The following LNX1 variants were observed in gnomAD, a reference collection of about 807,000 sequenced individuals.
LNX1 encodes ligand of numb-protein X 1.
A neutral mutation model predicts 68.4 loss-of-function variants in LNX1; 54 were observed. The ratio of observed to expected loss-of-function variants is 0.79; its 90% CI spans 0.63 to 0.99. The LOEUF (loss-of-function observed/expected upper bound fraction) is 0.99. LNX1 is among the 50% of genes least tolerant of loss of function. The probability of loss-of-function intolerance (pLI) is 0.00; values close to 1 mark genes in which losing one functional copy is unlikely to be tolerated. For synonymous variants in LNX1, 336 were observed against 350.0 expected, an observed-to-expected ratio of 0.96 and a Z score of 0.45; for missense variants, 906 against 926.4, an observed-to-expected ratio of 0.98 and a Z score of 0.29.
At chr4:53,551,375 T>G (rs893399911) in intron 2 of LNX1, among the ~76,000 whole-genome samples, 1 of 152,106 alleles carries the variant, frequency 6.6e-6, no homozygotes, top group African/African-American at 2.4e-5. Context: ...GGCCAGGCAG[T>G]TTCCCAATAA....
intron 2 of LNX1, among the ~76,000 whole-genome samples, chr4:53,508,743 G>A (rs1726106889): frequency 6.6e-6 from 1 of 152,192 alleles, no homozygotes; most frequent in Non-Finnish European, 1.5e-5. Context: ...GTTCAGCATT[G>A]CTATCCTCTA....
chr4:53,557,368 G>C (rs1387732032), intron 2 of LNX1, among the ~76,000 whole-genome samples: 2 of 152,040 alleles, frequency 1.3e-5, no homozygotes, highest in African/African-American at 4.8e-5. Flanking sequence ...TATCCCATAG[G>C]TTTCAAAAGC....
At chr4:53,516,224 A>T (rs1726772187) in intron 2 of LNX1, among the ~76,000 whole-genome samples, 1 of 152,232 alleles carries the variant, frequency 6.6e-6, no homozygotes, top group Non-Finnish European at 1.5e-5. Flanking sequence ...CCTGGGCAAC[A>T]GAGCAACACC....
At position 53,639,948 on chromosome 4, in the gene LNX1, G is replaced by A. The variant is rs138761896; in HGVS notation, c.-215+12220C>T. 3.1e-3 allele frequency among the ~76,000 whole-genome samples: 465 copies of A among 152,198 alleles called. 1 individual carries two copies. Among genetic ancestry groups the A allele is most frequent in the Non-Finnish European group, 5.6e-3 (378 of 68,002 alleles). The stretch of plus-strand genomic sequence containing the variant: ...CTTGGGAGGCTGAGGCACAAAAATT[G>A]CTTGAACCCAGAGGCAGAGGTTGCA... On this transcript the variant is annotated intron_variant, in intron 1 of 2. Coordinates refer to the LNX1 transcript ENST00000507168.
Position 53,575,178 on chromosome 4 carries a change from C to T in LNX1, c.-86-1090G>A, listed in dbSNP as rs180948865. On this transcript the variant is annotated intron_variant, in intron 1 of 10. Coordinates refer to ENST00000263925, the MANE Select transcript of LNX1 (RefSeq NM_001126328.3). Reference sequence around the variant, plus strand: ...TGTATTTTTAGTAGAGACAGGGTTTCGCCATGTTGGCCAGGCTGGTCTTGA... The same window carrying T: ...TGTATTTTTAGTAGAGACAGGGTTTTGCCATGTTGGCCAGGCTGGTCTTGA... Among the ~76,000 whole-genome samples the T allele has an allele frequency of 7.5e-3, 1,140 of 152,170 alleles. 8 individuals are homozygous for T. Among genetic ancestry groups the T allele is most frequent in the African/African-American group, 0.026 (1,069 of 41,522 alleles).
Position 53,476,891 on chromosome 4 carries a change from A to G in LNX1, c.1754T>C (p.Ile585Thr), listed in dbSNP as rs1385199273. The change falls in exon 9 of 11, where the codon ATA (isoleucine) becomes ACA (threonine). Residue 585 changes from isoleucine to threonine, a missense_variant. Transcript: ENST00000263925. ...VALLKRTSSS[I>T]VLKALEVKEY... is the part of the protein sequence containing the mutation. Reference sequence around the variant, plus strand: ...TTTGACTTCCAAAGCTTTGAGTACTATCGAGGATGATGTTCTTTTCAATAA... The same window carrying G: ...TTTGACTTCCAAAGCTTTGAGTACTGTCGAGGATGATGTTCTTTTCAATAA... 1.2e-6 allele frequency: 2 copies of G among 1,614,216 alleles called. No individual in the cohort carries two copies. The highest frequency in any genetic ancestry group is 2.2e-5 in the East Asian group (1 of 44,888).
chr4:53,629,417 C>T (rs1366174905), intron 1 of LNX1, among the ~76,000 whole-genome samples: 1 of 152,140 alleles, frequency 6.6e-6, no homozygotes, highest in Non-Finnish European at 1.5e-5. Context: ...AGAGCTCACC[C>T]TGGATCTTTC....
chr4:53,623,087 T>A (rs1170937738), intron 1 of LNX1, among the ~76,000 whole-genome samples: 1 of 152,136 alleles, frequency 6.6e-6, no homozygotes, highest in Admixed American at 6.5e-5. Flanking sequence ...GCTGATGTCA[T>A]CACTCAGGAT....
At chr4:53,465,632 A>G (rs553722288) in intron 9 of LNX1, among the ~76,000 whole-genome samples, 1 of 152,340 alleles carries the variant, frequency 6.6e-6, no homozygotes, top group East Asian at 1.9e-4. Context: ...TTAGTTTTGT[A>G]TGGTCCAGAG....
chr4:53,514,338 C>T (rs920357979), intron 2 of LNX1, among the ~76,000 whole-genome samples: 1 of 152,180 alleles, frequency 6.6e-6, no homozygotes, highest in African/African-American at 2.4e-5. Context: ...TCCATTTTTA[C>T]ACTGCCAATA....
chr4:53,513,317 TTATACCA>T (rs1400643063), intron 2 of LNX1, among the ~76,000 whole-genome samples: 9 of 152,114 alleles, frequency 5.9e-5, no homozygotes, highest in Admixed American at 2.0e-4. Flanking sequence ...GTCCTATTAG[TTATACCA>T]CCTCACTTCA....
At chr4:53,649,340 A>G (rs1056329191) in intron 1 of LNX1, among the ~76,000 whole-genome samples, 1 of 152,230 alleles carries the variant, frequency 6.6e-6, no homozygotes, top group African/African-American at 2.4e-5. Flanking sequence ...TCAATCCCAC[A>G]AGGCGACTAC....
Position 53,584,941 on chromosome 4 carries a change from T to C in LNX1, c.-87+6447A>G, listed in dbSNP as rs577515616. 3.9e-5 allele frequency among the ~76,000 whole-genome samples: 6 copies of C among 152,318 alleles called. No homozygotes were observed. In the South Asian group the frequency reaches 1.2e-3, roughly 32 times the overall value. On this transcript the variant is annotated intron_variant, in intron 1 of 10. Coordinates refer to ENST00000263925, the MANE Select transcript of LNX1 (RefSeq NM_001126328.3). ...AAACATGACACACACATCCCCAAATTAAAGACAGCATTGGGTGGTTCCTCC... is the reference window on the plus strand; with the variant it reads ...AAACATGACACACACATCCCCAAATCAAAGACAGCATTGGGTGGTTCCTCC...
At chr4:53,526,301 A>G (rs563014901) in intron 2 of LNX1, among the ~76,000 whole-genome samples, 35 of 152,302 alleles carry the variant, frequency 2.3e-4, no homozygotes, top group Non-Finnish European at 4.6e-4. Flanking sequence ...TAAAATGATG[A>G]GTACTGGTTA....
chr4:53,477,028 G>C, intron 8 of LNX1, 47 bp from the exon 9 acceptor site: 1 of 1,505,014 alleles, frequency 6.6e-7, no homozygotes, highest in Non-Finnish European at 9.2e-7. Context: ...AGCACAAACA[G>C]GGACTTCTGC....
intron 2 of LNX1, among the ~76,000 whole-genome samples, chr4:53,544,609 G>C (rs1728976034): frequency 6.6e-6 from 1 of 152,224 alleles, no homozygotes; most frequent in Non-Finnish European, 1.5e-5. Context: ...GGAAGACCCT[G>C]GAGTGGTAAG....
At chr4:53,634,284 C>G (rs947348839) in intron 1 of LNX1, among the ~76,000 whole-genome samples, 14 of 149,904 alleles carry the variant, frequency 9.3e-5, no homozygotes, top group African/African-American at 3.0e-4. Flanking sequence ...GTCTCTGTCA[C>G]CCAGGCTGGA....
chr4:53,585,064 G>T (rs1250591261), intron 1 of LNX1, among the ~76,000 whole-genome samples: 1 of 152,156 alleles, frequency 6.6e-6, no homozygotes, highest in Admixed American at 6.5e-5. Context: ...GTTTGTTAAG[G>T]TCCCTTTGAA....
intron 2 of LNX1, among the ~76,000 whole-genome samples, chr4:53,553,590 G>A (rs1417648964): frequency 6.6e-6 from 1 of 152,174 alleles, no homozygotes; most frequent in Admixed American, 6.5e-5. Context: ...CCATGATGCT[G>A]AAAGTTATTT....
Sources: allele counts gnomAD v4.1 joint callset (sites outside exome capture counted in the v4.1 genomes callset), GRCh38; gene constraint gnomAD v4.1.1; transcripts MANE v1.5; gene names NCBI Gene and HGNC (gene_info 2026-07-23, HGNC 2026-07-21).